The following STK33 variants were observed in gnomAD, a reference collection of about 807,000 sequenced individuals.
STK33 encodes serine/threonine-protein kinase 33.
STK33 carries 52 observed loss-of-function variants against 58.0 expected under a neutral mutation model. The ratio of observed to expected loss-of-function variants is 0.90; its 90% CI spans 0.72 to 1.13. The LOEUF (loss-of-function observed/expected upper bound fraction) is 1.13, where lower values mean the gene tolerates loss of function less well. STK33 is among the 50% of genes most tolerant of loss of function. STK33 has a pLI of 0.00. For synonymous variants in STK33, 215 were observed against 200.1 expected (o/e 1.07, Z -0.63); for missense variants, 630 against 604.2 (o/e 1.04, Z -0.45).
At chr11:8,480,888 A>C (rs969986469) in intron 1 of STK33, among the ~76,000 whole-genome samples, 1 of 152,226 alleles carries the variant, frequency 6.6e-6, no homozygotes, top group East Asian at 1.9e-4. Flanking sequence ...CAAAAGATCA[A>C]TAAGATCAGG....
At chr11:8,511,684 T>C (rs1278743623) in intron 1 of STK33, among the ~76,000 whole-genome samples, 1 of 152,198 alleles carries the variant, frequency 6.6e-6, no homozygotes, top group Non-Finnish European at 1.5e-5. Flanking sequence ...GTTTTTATCA[T>C]AAAGAGATGC....
At chr11:8,528,344 C>CA (rs1591640958) in intron 1 of STK33, among the ~76,000 whole-genome samples, 1 of 152,134 alleles carries the variant, frequency 6.6e-6, no homozygotes. Flanking sequence ...ACTTGTGATA[C>CA]AAAAAACAAT....
intron 1 of STK33, among the ~76,000 whole-genome samples, chr11:8,489,135 T>C (rs1247085452): frequency 2.0e-5 from 3 of 151,500 alleles, no homozygotes; most frequent in African/African-American, 7.3e-5. Context: ...CATGCACATA[T>C]GGTCTGAGCT....
the STK33 span, among the ~76,000 whole-genome samples, chr11:8,386,329 G>T: frequency 2.0e-5 from 3 of 152,198 alleles, no homozygotes; most frequent in Non-Finnish European, 4.4e-5. Context: ...AACTTAAGTG[G>T]CTAAATGACT....
At chr11:8,382,600 C>T in the STK33 span, among the ~76,000 whole-genome samples, 1 of 152,136 alleles carries the variant, frequency 6.6e-6, no homozygotes, top group African/African-American at 2.4e-5. Flanking sequence ...GGCGTGGGGA[C>T]ATGCAGCTTA....
At chr11:8,523,459 T>C (rs1392766189) in intron 1 of STK33, among the ~76,000 whole-genome samples, 1 of 146,204 alleles carries the variant, frequency 6.8e-6, no homozygotes, top group African/African-American at 2.6e-5. Flanking sequence ...GTCTGAGAAG[T>C]GAGGAGCCCC....
At chr11:8,476,520 A>G (rs1002884342) in intron 4 of STK33, among the ~76,000 whole-genome samples, 167 bp downstream of exon 4, 4 of 152,110 alleles carry the variant, frequency 2.6e-5, no homozygotes, top group African/African-American at 7.2e-5. Context: ...TATGCCAAGT[A>G]TACTCCCTTC....
At chr11:8,493,977 C>A (rs952435509) in intron 1 of STK33, among the ~76,000 whole-genome samples, 27 of 152,202 alleles carry the variant, frequency 1.8e-4, no homozygotes, top group African/African-American at 6.3e-4. Flanking sequence ...TATGACAAAC[C>A]CACAGCCACT....
chr11:8,367,128 G>A, the STK33 span, among the ~76,000 whole-genome samples: 1 of 152,234 alleles, frequency 6.6e-6, no homozygotes, highest in African/African-American at 2.4e-5. Context: ...GTATATATGT[G>A]TGAACAAAGT....
intron 14 of STK33, among the ~76,000 whole-genome samples, chr11:8,427,764 T>C (rs933896476): frequency 1.2e-4 from 19 of 152,244 alleles, no homozygotes; most frequent in African/African-American, 4.6e-4. Context: ...TCAACTATTA[T>C]ATTTTTCATA....
intron 1 of STK33, among the ~76,000 whole-genome samples, chr11:8,588,918 G>T (rs1434241985): frequency 1.3e-5 from 2 of 152,098 alleles, no homozygotes; most frequent in Non-Finnish European, 2.9e-5. Context: ...CACATGAAAA[G>T]ATCCTAACAC....
chr11:8,579,180 A>G (rs1565409256), intron 1 of STK33, among the ~76,000 whole-genome samples: 1 of 151,994 alleles, frequency 6.6e-6, no homozygotes, highest in Non-Finnish European at 1.5e-5. Flanking sequence ...CCAGACCCTG[A>G]AGAATCAGTT....
At chr11:8,432,918 T>C (rs1943588726) in intron 14 of STK33, among the ~76,000 whole-genome samples, 1 of 152,178 alleles carries the variant, frequency 6.6e-6, no homozygotes, top group Non-Finnish European at 1.5e-5. Flanking sequence ...AGACAAATGT[T>C]ACAGAGGCTC....
chr11:8,392,695 T>C lies in STK33; in HGVS notation c.1360A>G (p.Lys454Glu), dbSNP rs759398568. Residue 454 changes from lysine (K) to glutamate (E), a missense_variant, in exon 16 of 16, where the codon AAG becomes GAG. Transcript: ENST00000687296. Reference sequence around the variant, plus strand: ...TCCTTACTGGTTGCAGGAAATTGCTTTTCATAAGCAGTAGACTGCAAATAA... The same window carrying C: ...TCCTTACTGGTTGCAGGAAATTGCTCTTCATAAGCAGTAGACTGCAAATAA... The part of the protein sequence containing the change: ...EEEKQSTAYE[K>E]QFPATSKDNF... The C allele has an allele frequency of 3.1e-6, 5 of 1,614,210 alleles. No individual in the cohort carries two copies. In the East Asian group the frequency reaches 1.1e-4, roughly 36 times the overall value.
intron 15 of STK33, among the ~76,000 whole-genome samples, chr11:8,405,508 T>A (rs762192536): frequency 6.9e-5 from 10 of 145,874 alleles, no homozygotes; most frequent in Non-Finnish European, 1.5e-4. Context: ...GCAAATATTT[T>A]CTCCCTGTCT....
At chr11:8,371,605 CTT>C in the STK33 span, among the ~76,000 whole-genome samples, 2 of 149,358 alleles carry the variant, frequency 1.3e-5, no homozygotes, top group African/African-American at 5.0e-5. Flanking sequence ...TTTCCTTTCT[CTT>C]TCTTTCTCTT....
At chr11:8,488,123 T>A (rs548084770) in intron 1 of STK33, among the ~76,000 whole-genome samples, 43 of 152,316 alleles carry the variant, frequency 2.8e-4, no homozygotes, top group African/African-American at 1.0e-3. Flanking sequence ...TTCCCTGGAA[T>A]AACCCACTTA....
chr11:8,581,582 A>C (rs1484912878), intron 1 of STK33, among the ~76,000 whole-genome samples: 1 of 152,192 alleles, frequency 6.6e-6, no homozygotes, highest in Admixed American at 6.5e-5. Flanking sequence ...CCAAACACTT[A>C]GAGGGAGTCT....
At chr11:8,405,778 A>G (rs541112126) in intron 15 of STK33, among the ~76,000 whole-genome samples, 11 of 152,102 alleles carry the variant, frequency 7.2e-5, no homozygotes, top group Non-Finnish European at 1.6e-4. Flanking sequence ...TATATCTACT[A>G]TTGTTCTAGC....
Sources: gnomAD v4.1 joint callset for allele counts (sites outside exome capture counted in the v4.1 genomes callset) on GRCh38, gnomAD v4.1.1 for gene constraint, MANE v1.5 for transcripts, NCBI Gene and HGNC (gene_info 2026-07-23, HGNC 2026-07-21) for gene names.